BTBD9: variants seen among roughly 807,000 people sequenced by gnomAD.
The protein encoded by BTBD9 is BTB domain containing 9.
In BTBD9, 49 loss-of-function variants were observed where a neutral mutation model predicts 64.3. That is an observed-to-expected ratio of 0.76 (90% CI 0.61 to 0.97). The LOEUF (loss-of-function observed/expected upper bound fraction) is 0.97. Ranked by LOEUF, BTBD9 falls within the 50% of genes least tolerant of loss-of-function variation. BTBD9 has a pLI of 0.00. For missense variants in BTBD9, 598 were observed against 762.1 expected (o/e 0.78, Z 2.53); for synonymous variants, 260 against 274.7 (o/e 0.95, Z 0.53).
At chr6:38,279,216 T>C (rs574197854) in intron 8 of BTBD9, among the ~76,000 whole-genome samples, 2 of 152,162 alleles carry the variant, frequency 1.3e-5, no homozygotes, top group Admixed American at 1.3e-4. Context: ...CTTAAGTAGA[T>C]ATACAAGCAT....
chr6:38,531,171 A>G (rs753344178), intron 6 of BTBD9, among the ~76,000 whole-genome samples: 1 of 152,222 alleles, frequency 6.6e-6, no homozygotes, highest in Non-Finnish European at 1.5e-5. Flanking sequence ...AACACATTTA[A>G]TAATCAAACT....
At chr6:38,442,440 A>C (rs1424921474) in intron 6 of BTBD9, among the ~76,000 whole-genome samples, 2 of 152,130 alleles carry the variant, frequency 1.3e-5, no homozygotes, top group African/African-American at 4.8e-5. Context: ...ACTGCATTCC[A>C]GCTTGGGCAA....
chr6:38,505,928 G>A (rs527773796), intron 6 of BTBD9, among the ~76,000 whole-genome samples: 11 of 125,326 alleles, frequency 8.8e-5, no homozygotes, highest in Admixed American at 4.2e-4. Context: ...TTGTGCCACC[G>A]CATTCCAGCC....
chr6:38,523,141 C>T (rs536084444), intron 6 of BTBD9, among the ~76,000 whole-genome samples: 1 of 152,176 alleles, frequency 6.6e-6, no homozygotes, highest in Admixed American at 6.5e-5. Context: ...TGAGATCGCT[C>T]CACTGTACTC....
At chr6:38,495,469 A>G (rs1771910807) in intron 6 of BTBD9, among the ~76,000 whole-genome samples, 1 of 152,236 alleles carries the variant, frequency 6.6e-6, no homozygotes, top group South Asian at 2.1e-4. Context: ...ACCCACTCAA[A>G]ATTTCATCTA....
At chr6:38,469,743 A>G (rs980683710) in intron 6 of BTBD9, among the ~76,000 whole-genome samples, 12 of 152,228 alleles carry the variant, frequency 7.9e-5, no homozygotes, top group African/African-American at 2.9e-4. Flanking sequence ...TTTTAATTTG[A>G]ATTGCACAAA....
chr6:38,601,018 C>T (rs188314774), intron 1 of BTBD9, among the ~76,000 whole-genome samples: 210 of 151,952 alleles, frequency 1.4e-3, no homozygotes, highest in African/African-American at 4.8e-3. Flanking sequence ...ATGAGCTTGC[C>T]CAACATTGGA....
intron 9 of BTBD9, among the ~76,000 whole-genome samples, chr6:38,250,935 A>G (rs2127531329): frequency 6.6e-6 from 1 of 152,174 alleles, no homozygotes; most frequent in Non-Finnish European, 1.5e-5. Context: ...TACAAAAATT[A>G]GCTGGGTGTA....
At chr6:38,456,436 T>G (rs1769811570) in intron 6 of BTBD9, among the ~76,000 whole-genome samples, 1 of 152,242 alleles carries the variant, frequency 6.6e-6, no homozygotes. Flanking sequence ...TTTTCCAAAT[T>G]GGTTATACCA....
chr6:38,560,831 C>T (rs184082151), intron 6 of BTBD9, among the ~76,000 whole-genome samples: 1 of 152,078 alleles, frequency 6.6e-6, no homozygotes, highest in Non-Finnish European at 1.5e-5. Context: ...GAACATACAG[C>T]GTTTGGTTTT....
intron 6 of BTBD9, among the ~76,000 whole-genome samples, chr6:38,530,007 T>G (rs1002611085): frequency 6.6e-6 from 1 of 152,138 alleles, no homozygotes; most frequent in African/African-American, 2.4e-5. Flanking sequence ...ATTCTTTTCC[T>G]AGCAAGGAAT....
chr6:38,174,965 C>T lies in BTBD9; in HGVS notation c.*20G>A, dbSNP rs374515466. 6.2e-6 allele frequency: 10 copies of T among 1,613,006 alleles called. No individual in the cohort carries two copies. In the African/African-American group the frequency reaches 1.1e-4, roughly 17 times the overall value. ...GCCGTTGCCCGAGCCCACCAAGTCA[C>T]ACCAGGCCCGCTGCCTCCTTTATTG... On this transcript the variant is annotated 3_prime_UTR_variant, in exon 11 of 11. Transcript: ENST00000481247.
chr6:38,528,260 C>G (rs1411185198), intron 6 of BTBD9, among the ~76,000 whole-genome samples: 1 of 152,156 alleles, frequency 6.6e-6, no homozygotes, highest in Non-Finnish European at 1.5e-5. Flanking sequence ...ATTGCCCACC[C>G]CAGGGCTCAG....
At chr6:38,465,248 T>C (rs962744941) in intron 6 of BTBD9, among the ~76,000 whole-genome samples, 3 of 151,460 alleles carry the variant, frequency 2.0e-5, no homozygotes, top group Non-Finnish European at 2.9e-5. Context: ...TGAGCCTTCA[T>C]TGCGCTACTG....
At chr6:38,471,542 T>C (rs538471047) in intron 6 of BTBD9, among the ~76,000 whole-genome samples, 2 of 151,452 alleles carry the variant, frequency 1.3e-5, no homozygotes, top group South Asian at 4.2e-4. Flanking sequence ...TGACTAAAGG[T>C]TTTTCGTTGT....
At chr6:38,562,200 T>C (rs1390305818) in intron 6 of BTBD9, among the ~76,000 whole-genome samples, 1 of 152,156 alleles carries the variant, frequency 6.6e-6, no homozygotes, top group East Asian at 1.9e-4. Flanking sequence ...AATACGAAAA[T>C]ATAACATTCT....
chr6:38,639,202 G>A (rs1778635022), intron 1 of BTBD9, among the ~76,000 whole-genome samples: 1 of 152,154 alleles, frequency 6.6e-6, no homozygotes, highest in African/African-American at 2.4e-5. Flanking sequence ...GTACTAAAAC[G>A]CCAAGGAAAC....
At chr6:38,590,419 T>A (rs1776744942) in intron 4 of BTBD9, among the ~76,000 whole-genome samples, 1 of 152,218 alleles carries the variant, frequency 6.6e-6, no homozygotes, top group African/African-American at 2.4e-5. Context: ...TAATTCAGGA[T>A]TTGAAGTCAA....
intron 8 of BTBD9, among the ~76,000 whole-genome samples, chr6:38,272,748 A>G (rs1765237510): frequency 6.6e-6 from 1 of 152,176 alleles, no homozygotes; most frequent in Non-Finnish European, 1.5e-5. Context: ...ATGATGGTTT[A>G]TCTATTTCTA....
Sources: allele counts gnomAD v4.1 joint callset (sites outside exome capture counted in the v4.1 genomes callset), GRCh38; gene constraint gnomAD v4.1.1; transcripts MANE v1.5; gene names NCBI Gene and HGNC (gene_info 2026-07-23, HGNC 2026-07-21).